Variants in VPS53 observed in about 807,000 individuals in gnomAD.
The protein encoded by VPS53 is VPS53 subunit of GARP complex.
A neutral mutation model predicts 107.0 loss-of-function variants in VPS53; 70 were observed. That is an observed-to-expected ratio of 0.65 (90% CI 0.54 to 0.80). VPS53 has a LOEUF of 0.80. Among genes scored for constraint, VPS53 ranks in the 30% least tolerant of loss-of-function variants. VPS53 has a pLI of 0.00. For missense variants in VPS53, 917 were observed against 1,049.4 expected (o/e 0.87, Z 1.74); for synonymous variants, 409 against 393.3 (o/e 1.04, Z -0.47).
intron 17 of VPS53, among the ~76,000 whole-genome samples, chr17:549,251 G>A (rs986650615): frequency 6.6e-6 from 1 of 152,226 alleles, no homozygotes; most frequent in Non-Finnish European, 1.5e-5. Context: ...AAAACAGGAT[G>A]CAGGCATCAA....
chr17:515,956 C>CTTTTTTTTTTTTTTTTT lies in VPS53; in HGVS notation c.*3155_*3171dup, dbSNP rs11361535. 53 of 109,580 alleles carry CTTTTTTTTTTTTTTTTT rather than the reference C, an allele frequency of 4.8e-4. No homozygotes were observed. Among genetic ancestry groups the CTTTTTTTTTTTTTTTTT allele is most frequent in the African/African-American group, 1.7e-3 (40 of 24,114 alleles). 6.8% of individuals were successfully genotyped at this position (109,580 alleles called of 1,614,324 possible). ...ATTACAGGCACCCGCCACCTGCCTGCTTTTTTTTTTTTTTTTTTTGTATTT... is the reference window on the plus strand; with the variant it reads ...ATTACAGGCACCCGCCACCTGCCTGCTTTTTTTTTTTTTTTTTTTTTTTTTTTTTTTTTTTTGTATTT... On this transcript the variant is annotated 3_prime_UTR_variant, in exon 22 of 22. Coordinates refer to ENST00000437048, the MANE Select transcript of VPS53 (RefSeq NM_001128159.3).
chr17:516,301 C>G lies in VPS53; in HGVS notation c.*2827G>C, dbSNP rs1300738164. On this transcript the variant is annotated 3_prime_UTR_variant, in exon 22 of 22. Transcript: ENST00000437048. ...AACAAGGTGTAAACGTTATAACTACCTATGGAACTTTTAAACCTGTATGCC... is the reference window on the plus strand; with the variant it reads ...AACAAGGTGTAAACGTTATAACTACGTATGGAACTTTTAAACCTGTATGCC... 4.6e-5 allele frequency: 7 copies of G among 152,220 alleles called. No homozygotes were observed. In the East Asian group the frequency reaches 1.4e-3, roughly 29 times the overall value. 9.4% of individuals were successfully genotyped at this position (152,220 alleles called of 1,614,324 possible).
chr17:707,018 T>C (rs536806028), intron 2 of VPS53, among the ~76,000 whole-genome samples: 1 of 152,332 alleles, frequency 6.6e-6, no homozygotes, highest in South Asian at 2.1e-4. Context: ...GAATACTCAC[T>C]GCCTACAGCA....
At chr17:536,907 C>T in intron 18 of VPS53, 121 bp downstream of exon 18, 1 of 1,273,796 alleles carries the variant, frequency 7.9e-7, no homozygotes, top group Non-Finnish European at 1.1e-6. Flanking sequence ...TTGGGGGGGT[C>T]AGGTACACGG....
chr17:641,683 G>C (rs1970428934), intron 7 of VPS53, among the ~76,000 whole-genome samples: 1 of 152,074 alleles, frequency 6.6e-6, no homozygotes, highest in Non-Finnish European at 1.5e-5. Context: ...TCAAACTCCT[G>C]GGCTCAAGCG....
At chr17:529,422 A>C (rs1019622313) in intron 19 of VPS53, among the ~76,000 whole-genome samples, 10 of 148,114 alleles carry the variant, frequency 6.8e-5, no homozygotes, top group Non-Finnish European at 1.2e-4. Flanking sequence ...ACACACACAC[A>C]CCCCTGCTGG....
At chr17:661,396 C>T (rs1971430801) in intron 5 of VPS53, among the ~76,000 whole-genome samples, 1 of 151,656 alleles carries the variant, frequency 6.6e-6, no homozygotes, top group Non-Finnish European at 1.5e-5. Context: ...TGGCAGGCGC[C>T]TGTAATCCCA....
At chr17:639,000 C>T (rs1263828945) in intron 7 of VPS53, among the ~76,000 whole-genome samples, 2 of 152,184 alleles carry the variant, frequency 1.3e-5, no homozygotes, top group South Asian at 2.1e-4. Context: ...TGAATAATAT[C>T]CTGCAGAGTG....
Position 511,452 on chromosome 17 carries a change from G to A in VPS53, c.*7676C>T, listed in dbSNP as rs1907936165. 6.6e-6 allele frequency: 1 copy of A among 152,220 alleles called. No individual in the cohort carries two copies. Among genetic ancestry groups the A allele is most frequent in the African/African-American group, 2.4e-5 (1 of 41,440 alleles). 9.4% of individuals were successfully genotyped at this position (152,220 alleles called of 1,614,324 possible). Reference sequence around the variant, plus strand: ...TTTGATGACTGAGCAGAAGCTCCCAGAACCCTCGGATGAAGTGAGCAGCAT... The same window carrying A: ...TTTGATGACTGAGCAGAAGCTCCCAAAACCCTCGGATGAAGTGAGCAGCAT... On this transcript the variant is annotated 3_prime_UTR_variant, in exon 22 of 22. Coordinates refer to ENST00000437048, the MANE Select transcript of VPS53 (RefSeq NM_001128159.3).
In VPS53 at chr17:714,797, G is replaced by T. The variant is rs1013697741; in HGVS notation, c.-88C>A. 3 of 1,482,076 alleles carry T rather than the reference G, an allele frequency of 2.0e-6. No homozygotes were observed. Among genetic ancestry groups the T allele is most frequent in the Non-Finnish European group, 2.8e-6 (3 of 1,064,944 alleles). The allele number at this position is 1,482,076 out of a possible 1,614,324, so 91.8% of individuals were successfully genotyped here. A position where few individuals can be genotyped will look rare whatever the true frequency, so the allele number is the denominator to read the frequency against. ...CAGGCCCCAGCACAGCAACTCCCTCGCGGCAGCGACCTGGTGAGCCCGGCT... is the reference window on the plus strand; with the variant it reads ...CAGGCCCCAGCACAGCAACTCCCTCTCGGCAGCGACCTGGTGAGCCCGGCT... On this transcript the variant is annotated 5_prime_UTR_variant, in exon 1 of 22. Transcript: ENST00000437048.
At chr17:678,891 G>A (rs559807292) in intron 4 of VPS53, among the ~76,000 whole-genome samples, 15 of 150,988 alleles carry the variant, frequency 9.9e-5, no homozygotes, top group African/African-American at 2.9e-4. Context: ...TGCCCGCCTC[G>A]GCCTCCCAAA....
intron 4 of VPS53, chr17:674,130 CAA>C (rs1345889944): frequency 6.6e-6 from 1 of 152,166 alleles, no homozygotes; most frequent in East Asian, 1.9e-4. Flanking sequence ...CTCCAAGTGG[CAA>C]AAGACAAGGA....
At chr17:565,105 T>TCAA in intron 13 of VPS53, among the ~76,000 whole-genome samples, 1 of 152,096 alleles carries the variant, frequency 6.6e-6, no homozygotes, top group African/African-American at 2.4e-5. Context: ...CTTTTGTTAT[T>TCAA]GAAAGTCTAT....
intron 11 of VPS53, among the ~76,000 whole-genome samples, chr17:611,559 T>C (rs760863580): frequency 7.2e-5 from 11 of 152,224 alleles, no homozygotes; most frequent in Admixed American, 2.6e-4. Context: ...AGGGTTACCA[T>C]GTGACCCAGC....
At chr17:561,924 T>A (rs1399314936) in intron 14 of VPS53, among the ~76,000 whole-genome samples, 1 of 152,166 alleles carries the variant, frequency 6.6e-6, no homozygotes, top group African/African-American at 2.4e-5. Context: ...TTAGGCTATG[T>A]CCAGTTCTAA....
At chr17:547,938 A>G (rs1911369245) in intron 17 of VPS53, among the ~76,000 whole-genome samples, 1 of 152,186 alleles carries the variant, frequency 6.6e-6, no homozygotes, top group South Asian at 2.1e-4. Context: ...TAAAAGGGTG[A>G]ATTCTGTGGT....
chr17:669,944 C>CCGTAGCCG (rs1430967854), intron 4 of VPS53, among the ~76,000 whole-genome samples: 3 of 151,814 alleles, frequency 2.0e-5, no homozygotes, highest in African/African-American at 7.3e-5. Context: ...AAGGTGGCTA[C>CCGTAGCCG]TTTCCATTCC....
chr17:563,287 C>CTTTTTTTTT (rs36076034), intron 13 of VPS53, among the ~76,000 whole-genome samples: 3 of 103,298 alleles, frequency 2.9e-5, no homozygotes, highest in Non-Finnish European at 5.4e-5. Context: ...ACTTCATTTC[C>CTTTTTTTTT]TTTTTTTTTT....
At chr17:571,458 AC>A (rs1409194921) in intron 13 of VPS53, among the ~76,000 whole-genome samples, 3 of 149,194 alleles carry the variant, frequency 2.0e-5, no homozygotes, top group Admixed American at 2.0e-4. Flanking sequence ...TTCAAAATAA[AC>A]AACAATGGGC....
Sources: allele counts gnomAD v4.1 joint callset (sites outside exome capture counted in the v4.1 genomes callset), GRCh38; gene constraint gnomAD v4.1.1; transcripts MANE v1.5; gene names NCBI Gene and HGNC (gene_info 2026-07-23, HGNC 2026-07-21).